KPNA7: variants seen among roughly 807,000 people sequenced by gnomAD.
The protein encoded by KPNA7 is karyopherin subunit alpha 7.
KPNA7 carries 54 observed loss-of-function variants against 53.7 expected under a neutral mutation model. That is an observed-to-expected ratio of 1.01 (90% CI 0.81 to 1.26). KPNA7 has a LOEUF of 1.26. KPNA7 is among the 50% of genes most tolerant of loss of function. KPNA7 has a pLI of 0.00. For synonymous variants in KPNA7, 276 were observed against 259.3 expected (o/e 1.06, Z -0.62); for missense variants, 640 against 644.5 (o/e 0.99, Z 0.07).
chr7:99,209,609 G>A (rs995073726), upstream of KPNA7, among the ~76,000 whole-genome samples: 4 of 139,418 alleles, frequency 2.9e-5, no homozygotes, highest in African/African-American at 8.1e-5. Context: ...CTTGAACCCA[G>A]GGGGCGGAGG....
At chr7:99,193,439 A>G (rs1033539736) in intron 5 of KPNA7, among the ~76,000 whole-genome samples, 2 of 152,228 alleles carry the variant, frequency 1.3e-5, no homozygotes, top group Non-Finnish European at 2.9e-5. Flanking sequence ...GGCACAGGGC[A>G]GTAACTTCCA....
chr7:99,147,721 G>T, the KPNA7 span, among the ~76,000 whole-genome samples: 3 of 152,146 alleles, frequency 2.0e-5, no homozygotes, highest in Admixed American at 1.3e-4. Context: ...AACCCGGGAG[G>T]CGGAGGTTGC....
intron 4 of KPNA7, among the ~76,000 whole-genome samples, 188 bp from the exon 5 acceptor site, chr7:99,195,526 G>A (rs957830057): frequency 3.9e-5 from 6 of 152,100 alleles, no homozygotes; most frequent in Non-Finnish European, 5.9e-5. Flanking sequence ...GTGAAACCCC[G>A]TCCCATCTCT....
At chr7:99,179,955 C>T (rs552186048) in intron 9 of KPNA7, among the ~76,000 whole-genome samples, 5 of 152,262 alleles carry the variant, frequency 3.3e-5, no homozygotes, top group East Asian at 1.9e-4. Flanking sequence ...CCCTGACCCC[C>T]GGTGCTCAAA....
chr7:99,178,093 G>C, intron 9 of KPNA7, 27 bp from the exon 10 acceptor site: 5 of 1,547,988 alleles, frequency 3.2e-6, no homozygotes, highest in African/African-American at 1.4e-5. Context: ...GGGGACATGA[G>C]ACCCCCGGCA....
chr7:99,148,895 GTT>G, the KPNA7 span, among the ~76,000 whole-genome samples: 6,361 of 112,660 alleles, frequency 0.056, 430 homozygotes, highest in African/African-American at 0.21. Context: ...CCCAAGAACC[GTT>G]TTTTTTTTTT....
At chr7:99,214,310 G>A (rs891220495) in intron 1 of KPNA7, among the ~76,000 whole-genome samples, 2 of 151,672 alleles carry the variant, frequency 1.3e-5, no homozygotes, top group Non-Finnish European at 2.9e-5. Context: ...AGGGATGGTG[G>A]CATGTGCCTG....
rs143393115 is a variant in KPNA7 at position 99,200,774 on chromosome 7, G to A, written c.201+2332C>T. On this transcript the variant is annotated intron_variant, in intron 3 of 10. Transcript: ENST00000327442. ...GCAAATTGCTTGAGGTCAGGAGTTC[G>A]AGACCAGCCTGAACAACATGGTGAA... is the stretch of plus-strand genomic sequence containing the variant. Among the ~76,000 whole-genome samples the A allele has an allele frequency of 5.4e-3, 825 of 152,206 alleles. 5 individuals carry two copies. The highest frequency in any genetic ancestry group is 0.019 in the African/African-American group (804 of 41,534).
chr7:99,192,301 G>A (rs144428172), intron 6 of KPNA7, among the ~76,000 whole-genome samples: 1 of 152,164 alleles, frequency 6.6e-6, no homozygotes, highest in African/African-American at 2.4e-5. Context: ...TTGCAAGATG[G>A]CAAGCTTGTA....
rs1471847710 is a variant in KPNA7 at position 99,184,982 on chromosome 7, G to A, written c.1081C>T (p.Gln361Ter). ...NVAAGPCHHI[Q>*]QLLAYDVLPP... ...AAGACGTCGTAGGCAAGCAGCTGCT[G>A]GATGTGGTGACAAGGCCCCGCTGCT... The change falls in exon 8 of 11, where the codon CAG becomes TAG. Residue 361 changes from glutamine to a stop codon, truncating the protein, a stop_gained. Transcript: ENST00000327442. LOFTEE classifies it high-confidence loss of function. 9.7e-6 allele frequency: 15 copies of A among 1,551,932 alleles called. No homozygotes were observed. In the Admixed American group the frequency reaches 1.2e-4, roughly 12 times the overall value.
chr7:99,169,113 G>A (rs1798725128), downstream of KPNA7, among the ~76,000 whole-genome samples: 3 of 151,872 alleles, frequency 2.0e-5, no homozygotes, highest in Non-Finnish European at 2.9e-5. Context: ...CTGAGATCGC[G>A]CCACTTCACT....
chr7:99,182,702 GT>G (rs1789330965), intron 8 of KPNA7, among the ~76,000 whole-genome samples: 1 of 152,134 alleles, frequency 6.6e-6, no homozygotes, highest in Admixed American at 6.6e-5. Flanking sequence ...CTCAGGTGGG[GT>G]CTTAGAGGGA....
the KPNA7 span, among the ~76,000 whole-genome samples, chr7:99,147,572 C>A: frequency 6.6e-6 from 1 of 152,216 alleles, no homozygotes; most frequent in Non-Finnish European, 1.5e-5. Flanking sequence ...GGGTGGATCA[C>A]CTGAGGTCAG....
chr7:99,189,252 T>TA (rs1438203779), intron 6 of KPNA7, among the ~76,000 whole-genome samples: 1 of 152,190 alleles, frequency 6.6e-6, no homozygotes, highest in African/African-American at 2.4e-5. Context: ...TCAGTCTTCC[T>TA]ACTCTGCCTC....
At chr7:99,202,760 G>T (rs955991816) in intron 3 of KPNA7, among the ~76,000 whole-genome samples, 1 of 152,042 alleles carries the variant, frequency 6.6e-6, no homozygotes, top group Non-Finnish European at 1.5e-5. Flanking sequence ...CAGGAGGTTC[G>T]CTTGAACCCA....
the KPNA7 span, among the ~76,000 whole-genome samples, chr7:99,163,303 AATAT>A: frequency 6.9e-6 from 1 of 145,758 alleles, no homozygotes; most frequent in Non-Finnish European, 1.5e-5. Context: ...TTAAATTTGT[AATAT>A]ATTTATATAT....
the KPNA7 span, among the ~76,000 whole-genome samples, chr7:99,146,228 GT>G: frequency 1.3e-5 from 2 of 152,060 alleles, no homozygotes; most frequent in African/African-American, 4.8e-5. Flanking sequence ...GCTTAATTTT[GT>G]TGTTTTTCTC....
chr7:99,215,799 A>G (rs1258110729), intron 1 of KPNA7, among the ~76,000 whole-genome samples: 2 of 152,054 alleles, frequency 1.3e-5, no homozygotes, highest in African/African-American at 4.8e-5. Context: ...GTGAGACCCC[A>G]TCTCTACAAA....
intron 2 of KPNA7, 86 bp downstream of exon 2, chr7:99,207,315 G>A: frequency 2.7e-6 from 3 of 1,122,392 alleles, no homozygotes; most frequent in Non-Finnish European, 4.0e-6. Flanking sequence ...TTACAGGCAT[G>A]AGCCACCGCG....
Sources: allele counts gnomAD v4.1 joint callset (sites outside exome capture counted in the v4.1 genomes callset), GRCh38; gene constraint gnomAD v4.1.1; transcripts MANE v1.5; gene names NCBI Gene and HGNC (gene_info 2026-07-23, HGNC 2026-07-21).